Variants in HMBOX1 observed in about 807,000 individuals in gnomAD.
HMBOX1 encodes homeobox-containing protein 1.
In HMBOX1, 14 loss-of-function variants were observed where a neutral mutation model predicts 54.5. The ratio of observed to expected loss-of-function variants is 0.26; its 90% CI spans 0.17 to 0.40. The LOEUF (loss-of-function observed/expected upper bound fraction) is 0.40, where lower values mean the gene tolerates loss of function less well. HMBOX1 is among the 10% of genes least tolerant of loss of function. The probability of loss-of-function intolerance (pLI) is 1.00; values close to 1 mark genes in which losing one functional copy is unlikely to be tolerated. For synonymous variants in HMBOX1, 160 were observed against 181.0 expected, an observed-to-expected ratio of 0.88 and a Z score of 0.93; for missense variants, 332 against 514.4, an observed-to-expected ratio of 0.65 and a Z score of 3.43.
intron 1 of HMBOX1, among the ~76,000 whole-genome samples, chr8:28,905,008 A>G (rs1814008369): frequency 6.6e-6 from 1 of 152,212 alleles, no homozygotes; most frequent in Non-Finnish European, 1.5e-5. Flanking sequence ...TTTAGATAGT[A>G]TAATCAAATT....
intron 6 of HMBOX1, among the ~76,000 whole-genome samples, chr8:29,042,063 G>C (rs1192238122): frequency 6.6e-6 from 1 of 152,154 alleles, no homozygotes; most frequent in Non-Finnish European, 1.5e-5. Context: ...GGCCTTGATT[G>C]TAAGACACAC....
intron 1 of HMBOX1, among the ~76,000 whole-genome samples, chr8:28,909,599 G>GT (rs1371501323): frequency 6.6e-6 from 1 of 152,172 alleles, no homozygotes; most frequent in East Asian, 1.9e-4. Flanking sequence ...TTGCTAAGCT[G>GT]AAGAGTTGTC....
At chr8:28,903,859 T>C (rs1253681842) in intron 1 of HMBOX1, among the ~76,000 whole-genome samples, 4 of 146,540 alleles carry the variant, frequency 2.7e-5, no homozygotes, top group Non-Finnish European at 5.9e-5. Flanking sequence ...AACTGGTGAT[T>C]TTACCCTCCA....
chr8:28,900,962 AG>A (rs1208708040), intron 1 of HMBOX1, among the ~76,000 whole-genome samples: 1 of 152,154 alleles, frequency 6.6e-6, no homozygotes, highest in Non-Finnish European at 1.5e-5. Context: ...CATATTGTCT[AG>A]GTGCAAATCT....
intron 3 of HMBOX1, among the ~76,000 whole-genome samples, chr8:28,973,350 A>G (rs1382626097): frequency 6.6e-6 from 1 of 152,072 alleles, no homozygotes; most frequent in Admixed American, 6.5e-5. Context: ...TCTCCAAATA[A>G]ATTTTTCATA....
intron 1 of HMBOX1, chr8:28,949,790 G>C (rs1823079543): frequency 6.6e-6 from 1 of 152,142 alleles, no homozygotes; most frequent in African/African-American, 2.4e-5. Flanking sequence ...TTGTAATACA[G>C]GATAACAGAA....
Position 29,009,140 on chromosome 8 carries a change from A to C in HMBOX1, c.655A>C (p.Arg219=), listed in dbSNP as rs144731490. The change falls in exon 5 of 10, where the codon AGA becomes CGA. Residue 219 remains arginine, a synonymous_variant. Transcript: ENST00000287701. ...ATCAGACCTGAGTGAACAGAAGAAA[A>C]GAGCATTTTACCGATGGTATCAACT... ...QGSDLSEQKK[R]AFYRWYQLEK... is the part of the protein sequence containing the mutation. The C allele has an allele frequency of 1.2e-6, 2 of 1,613,478 alleles. No homozygotes were observed. The highest frequency in any genetic ancestry group is 1.7e-5 in the Admixed American group (1 of 60,006).
intron 5 of HMBOX1, among the ~76,000 whole-genome samples, chr8:29,013,924 T>TA (rs1246654254): frequency 4.6e-5 from 7 of 152,222 alleles, no homozygotes; most frequent in African/African-American, 1.7e-4. Flanking sequence ...CCAAGAGGGT[T>TA]ATGCAGCAAA....
chr8:28,906,281 GTTTC>G (rs1404280672), intron 1 of HMBOX1, among the ~76,000 whole-genome samples: 3 of 152,132 alleles, frequency 2.0e-5, no homozygotes, highest in African/African-American at 7.2e-5. Flanking sequence ...AATGATGGTG[GTTTC>G]TTTATCTAGA....
At chr8:28,996,434 T>C (rs76196741) in intron 4 of HMBOX1, among the ~76,000 whole-genome samples, 4,857 of 152,186 alleles carry the variant, frequency 0.032, 243 homozygotes, top group African/African-American at 0.11. Context: ...CATTCTTGGC[T>C]AACGTGATGA....
chr8:28,966,142 A>G (rs573609903), intron 2 of HMBOX1, among the ~76,000 whole-genome samples: 1 of 152,312 alleles, frequency 6.6e-6, no homozygotes, highest in East Asian at 1.9e-4. Context: ...TTTGCTCTAC[A>G]TGTTTGTAGA....
intron 6 of HMBOX1, among the ~76,000 whole-genome samples, chr8:29,037,182 T>C (rs1804030682): frequency 6.6e-6 from 1 of 152,230 alleles, no homozygotes; most frequent in Non-Finnish European, 1.5e-5. Context: ...AGCCATTATT[T>C]ATTTTATTAA....
chr8:28,906,558 T>G (rs144219106), intron 1 of HMBOX1, among the ~76,000 whole-genome samples: 13 of 152,342 alleles, frequency 8.5e-5, no homozygotes, highest in Admixed American at 6.5e-5. Context: ...AGATTCTTAG[T>G]AAATGCTTTT....
chr8:28,918,242 C>T (rs777011516), intron 1 of HMBOX1, among the ~76,000 whole-genome samples: 3 of 152,132 alleles, frequency 2.0e-5, no homozygotes, highest in African/African-American at 4.8e-5. Flanking sequence ...CTTGCTCTGT[C>T]GCCCTGGCTG....
chr8:28,903,999 C>T (rs1813764942), intron 1 of HMBOX1, among the ~76,000 whole-genome samples: 1 of 152,114 alleles, frequency 6.6e-6, no homozygotes, highest in Non-Finnish European at 1.5e-5. Flanking sequence ...GCCAATATCT[C>T]CCGCTCCCAA....
chr8:29,048,174 G>A (rs2133383628), intron 8 of HMBOX1, among the ~76,000 whole-genome samples: 1 of 152,282 alleles, frequency 6.6e-6, no homozygotes, highest in African/African-American at 2.4e-5. Flanking sequence ...TGGAATGAAA[G>A]AGACTTAATA....
chr8:28,983,612 A>C (rs1829740740), intron 4 of HMBOX1, among the ~76,000 whole-genome samples: 1 of 151,954 alleles, frequency 6.6e-6, no homozygotes, highest in African/African-American at 2.4e-5. Context: ...TCCTTACACA[A>C]AGAGTCTAGC....
At chr8:28,984,958 A>G (rs907774966) in intron 4 of HMBOX1, among the ~76,000 whole-genome samples, 3 of 152,204 alleles carry the variant, frequency 2.0e-5, no homozygotes, top group Non-Finnish European at 2.9e-5. Context: ...GAAATTTACC[A>G]TAATTTTGTT....
At chr8:28,926,411 CTTTGAG>C (rs1273608501) in intron 1 of HMBOX1, among the ~76,000 whole-genome samples, 2 of 151,726 alleles carry the variant, frequency 1.3e-5, no homozygotes, top group Non-Finnish European at 2.9e-5. Context: ...CAAATTTTAC[CTTTGAG>C]TTTGAGAGAA....
Sources: allele counts gnomAD v4.1 joint callset (sites outside exome capture counted in the v4.1 genomes callset), GRCh38; gene constraint gnomAD v4.1.1; transcripts MANE v1.5; gene names NCBI Gene and HGNC (gene_info 2026-07-23, HGNC 2026-07-21).